The following LIN7A variants were observed in gnomAD, a reference collection of about 807,000 sequenced individuals.
The protein encoded by LIN7A is protein lin-7 homolog A.
LIN7A carries 25 observed loss-of-function variants against 29.8 expected under a neutral mutation model. The observed-to-expected ratio is 0.84, with a 90% confidence interval of 0.61 to 1.17. The LOEUF (loss-of-function observed/expected upper bound fraction) is 1.17. Ranked by LOEUF, LIN7A falls within the 50% of genes most tolerant of loss-of-function variation. LIN7A has a pLI of 0.00. For synonymous variants in LIN7A, 118 were observed against 107.5 expected, an observed-to-expected ratio of 1.10 and a Z score of -0.60; for missense variants, 239 against 287.0, an observed-to-expected ratio of 0.83 and a Z score of 1.21.
intron 1 of LIN7A, among the ~76,000 whole-genome samples, chr12:80,894,329 A>C (rs1477592558): frequency 6.6e-6 from 1 of 152,090 alleles, no homozygotes; most frequent in African/African-American, 2.4e-5. Context: ...AGCACAAGGA[A>C]AGCAAGAAGG....
At position 80,848,869 on chromosome 12, in the gene LIN7A, T is replaced by C. The variant is rs555850594; in HGVS notation, c.202-547A>G. Among the ~76,000 whole-genome samples, 11 of 152,278 alleles carry C rather than the reference T, an allele frequency of 7.2e-5. No homozygotes were observed. The East Asian group carries it at 1.9e-3, about 27-fold the overall frequency. ...AACTGCAATCGAAGGTTGAAAGGTT[T>C]TTTTCTTCCTTTATATTAATCTTAT... is the stretch of plus-strand genomic sequence containing the variant. On this transcript the variant is annotated intron_variant, in intron 2 of 5. Transcript: ENST00000552864.
At chr12:80,921,565 G>T (rs1338446037) in intron 1 of LIN7A, among the ~76,000 whole-genome samples, 1 of 150,872 alleles carries the variant, frequency 6.6e-6, no homozygotes, top group South Asian at 2.1e-4. Flanking sequence ...GGGGAGGGTG[G>T]GAGGGAGCAT....
In LIN7A at chr12:80,937,738, G is replaced by T; in HGVS notation, c.-16C>A. On this transcript the variant is annotated 5_prime_UTR_variant, in exon 1 of 6. Coordinates refer to ENST00000552864, the MANE Select transcript of LIN7A (RefSeq NM_004664.4). Reference sequence around the variant, plus strand: ...GCTTCAGCATCAGCAACCGCTCGTAGTGAGAAAAAAAGGAGGAGATTGGGG... The same window carrying T: ...GCTTCAGCATCAGCAACCGCTCGTATTGAGAAAAAAAGGAGGAGATTGGGG... The T allele has an allele frequency of 8.4e-7, 1 of 1,196,200 alleles. No homozygotes were observed. Among genetic ancestry groups the T allele is most frequent in the Non-Finnish European group, 1.1e-6 (1 of 909,194 alleles). 74.1% of individuals were successfully genotyped at this position (1,196,200 alleles called of 1,614,324 possible).
chr12:80,837,273 C>T (rs779444896), intron 4 of LIN7A, among the ~76,000 whole-genome samples: 5 of 152,022 alleles, frequency 3.3e-5, no homozygotes, highest in Non-Finnish European at 7.4e-5. Flanking sequence ...AGGTCCTATT[C>T]CCCAGAACCT....
At chr12:80,883,042 T>TTCCC (rs1343330199) in intron 2 of LIN7A, among the ~76,000 whole-genome samples, 2 of 151,980 alleles carry the variant, frequency 1.3e-5, no homozygotes, top group Admixed American at 6.6e-5. Flanking sequence ...TCAGCTTTAC[T>TTCCC]TCCCTCCCTC....
At chr12:80,923,809 A>T (rs1877438881) in intron 1 of LIN7A, among the ~76,000 whole-genome samples, 1 of 152,216 alleles carries the variant, frequency 6.6e-6, no homozygotes, top group Non-Finnish European at 1.5e-5. Context: ...GTTCTCAAGA[A>T]TCAACCAGAC....
At chr12:80,803,963 C>T (rs1219132126) in intron 5 of LIN7A, among the ~76,000 whole-genome samples, 1 of 152,092 alleles carries the variant, frequency 6.6e-6, no homozygotes, top group Non-Finnish European at 1.5e-5. Context: ...GGCTTTAAAG[C>T]CCATGTTCCT....
At chr12:80,803,074 T>G (rs2121490915) in intron 5 of LIN7A, among the ~76,000 whole-genome samples, 1 of 152,340 alleles carries the variant, frequency 6.6e-6, no homozygotes, top group East Asian at 1.9e-4. Context: ...TATTTTCTTC[T>G]AATCCATGGG....
chr12:80,934,704 A>C (rs1423115393), intron 1 of LIN7A, among the ~76,000 whole-genome samples: 1 of 152,224 alleles, frequency 6.6e-6, no homozygotes. Context: ...TCTCCACTAA[A>C]TAGTAGAGCA....
chr12:80,908,337 A>C (rs1270811593), intron 1 of LIN7A, among the ~76,000 whole-genome samples: 1 of 152,110 alleles, frequency 6.6e-6, no homozygotes, highest in Non-Finnish European at 1.5e-5. Flanking sequence ...ATCGATGTTA[A>C]ATGGTTATGA....
At chr12:80,829,553 T>C (rs999865337) in intron 4 of LIN7A, among the ~76,000 whole-genome samples, 1 of 152,164 alleles carries the variant, frequency 6.6e-6, no homozygotes, top group African/African-American at 2.4e-5. Context: ...GATTATGAAA[T>C]ACTTCATGTT....
chr12:80,905,238 G>T (rs1377291145), intron 1 of LIN7A, among the ~76,000 whole-genome samples: 1 of 151,638 alleles, frequency 6.6e-6, no homozygotes. Flanking sequence ...CACCCAGGCT[G>T]GAGTGCAGTG....
intron 2 of LIN7A, among the ~76,000 whole-genome samples, chr12:80,874,357 A>C (rs1874577088): frequency 6.6e-6 from 1 of 152,336 alleles, no homozygotes; most frequent in South Asian, 2.1e-4. Context: ...CATTTGCTAA[A>C]GTTTGGACTT....
chr12:80,878,204 T>C (rs888956017), intron 2 of LIN7A, among the ~76,000 whole-genome samples: 9 of 152,178 alleles, frequency 5.9e-5, no homozygotes, highest in Admixed American at 1.3e-4. Context: ...TTAGTGCAAT[T>C]ATAGTTTAAG....
At chr12:80,909,468 A>G (rs968019947) in intron 1 of LIN7A, among the ~76,000 whole-genome samples, 1 of 152,142 alleles carries the variant, frequency 6.6e-6, no homozygotes, top group Non-Finnish European at 1.5e-5. Flanking sequence ...TAATTTATAA[A>G]TCATAAAATT....
At chr12:80,831,991 T>G (rs945254737) in intron 4 of LIN7A, among the ~76,000 whole-genome samples, 1 of 152,190 alleles carries the variant, frequency 6.6e-6, no homozygotes, top group Non-Finnish European at 1.5e-5. Context: ...ATTGTAAAAC[T>G]GAGAGACAGA....
chr12:80,853,341 AAAAG>A (rs34330787), intron 2 of LIN7A, among the ~76,000 whole-genome samples: 63,669 of 151,056 alleles, frequency 0.42, 13,785 homozygotes, highest in East Asian at 0.67. Flanking sequence ...AGTTAAAAAA[AAAAG>A]AAACTCTTTG....
chr12:80,827,551 C>T (rs1167147522), intron 4 of LIN7A, among the ~76,000 whole-genome samples: 1 of 152,154 alleles, frequency 6.6e-6, no homozygotes, highest in Non-Finnish European at 1.5e-5. Context: ...AAAATGAAAA[C>T]ATCCTGTATC....
intron 2 of LIN7A, among the ~76,000 whole-genome samples, chr12:80,851,831 T>C (rs1015852461): frequency 1.3e-5 from 2 of 152,092 alleles, no homozygotes; most frequent in African/African-American, 4.8e-5. Context: ...TAGAAACTCA[T>C]AGGGGTTTTA....
Sources: gnomAD v4.1 joint callset for allele counts (sites outside exome capture counted in the v4.1 genomes callset) on GRCh38, gnomAD v4.1.1 for gene constraint, MANE v1.5 for transcripts, NCBI Gene and HGNC (gene_info 2026-07-23, HGNC 2026-07-21) for gene names.